The following XKR9 variants were observed in gnomAD, a reference collection of about 807,000 sequenced individuals.
XKR9 encodes XK related 9, also known as XK-related protein 9.
Under a neutral mutation model 32.0 loss-of-function variants are expected in XKR9, and 32 were observed. That is an observed-to-expected ratio of 1.00 (90% CI 0.76 to 1.34). XKR9 has a LOEUF of 1.34. XKR9 is among the 40% of genes most tolerant of loss of function. XKR9 has a pLI of 0.00. For missense variants in XKR9, 546 were observed against 429.7 expected (o/e 1.27, Z -2.39); for synonymous variants, 168 against 143.4 (o/e 1.17, Z -1.22).
chr8:70,783,114 T>C (rs1398686176), intron 2 of XKR9, among the ~76,000 whole-genome samples: 1 of 152,248 alleles, frequency 6.6e-6, no homozygotes, highest in East Asian at 1.9e-4. Flanking sequence ...ATTTTTATAA[T>C]AGTCATTCTA....
rs1450231942 is a variant in XKR9 at position 70,669,633 on chromosome 8, TGTGTGTA to T, written c.-361+98_-361+104del. Reference sequence around the variant, plus strand: ...GTGTGTGTGTGTGTGTGTGTGTGTGTGTGTGTAGTAGTAGTAGTAGTAGCCTGTTCAT... The same window carrying T: ...GTGTGTGTGTGTGTGTGTGTGTGTGTGTAGTAGTAGTAGTAGCCTGTTCAT... On this transcript the variant is annotated intron_variant, in intron 1 of 4. Coordinates refer to ENST00000408926, the MANE Select transcript of XKR9 (RefSeq NM_001011720.2). 1.3e-3 allele frequency: 89 copies of T among 66,588 alleles called. 1 individual carries two copies. Among genetic ancestry groups the T allele is most frequent in the South Asian group, 1.9e-3 (5 of 2,692 alleles). The allele number at this position is 66,588 out of a possible 1,614,324, so 4.1% of individuals were successfully genotyped here.
intron 2 of XKR9, among the ~76,000 whole-genome samples, chr8:70,772,468 GA>G (rs987174713): frequency 1.3e-5 from 2 of 152,180 alleles, no homozygotes; most frequent in African/African-American, 4.8e-5. Context: ...GCAGTTGGGG[GA>G]GAAGTAGATT....
intron 2 of XKR9, among the ~76,000 whole-genome samples, chr8:70,770,940 T>C (rs1217878732): frequency 6.6e-6 from 1 of 152,158 alleles, no homozygotes; most frequent in African/African-American, 2.4e-5. Context: ...TTGCTGGGGT[T>C]CCAGGCACCA....
the XKR9 span, among the ~76,000 whole-genome samples, chr8:71,055,561 T>C: frequency 1.3e-5 from 2 of 152,216 alleles, no homozygotes; most frequent in African/African-American, 4.8e-5. Context: ...CCCTCTTTGA[T>C]GTTCTCCTTT....
the XKR9 span, among the ~76,000 whole-genome samples, chr8:71,033,654 G>C: frequency 6.6e-6 from 1 of 152,116 alleles, no homozygotes; most frequent in Admixed American, 6.5e-5. Context: ...GAATGGATTA[G>C]TTCCCAAGAG....
At chr8:70,861,352 T>G in the XKR9 span, among the ~76,000 whole-genome samples, 1 of 152,054 alleles carries the variant, frequency 6.6e-6, no homozygotes, top group African/African-American at 2.4e-5. Context: ...AAATCCTTAT[T>G]TCATAAAGTT....
At chr8:70,880,029 A>T in the XKR9 span, among the ~76,000 whole-genome samples, 1 of 152,058 alleles carries the variant, frequency 6.6e-6, no homozygotes, top group African/African-American at 2.4e-5. Context: ...AAAGCCACAC[A>T]ATTATCTCAA....
At chr8:70,935,132 CAT>C in the XKR9 span, among the ~76,000 whole-genome samples, 5 of 145,988 alleles carry the variant, frequency 3.4e-5, no homozygotes, top group African/African-American at 1.3e-4. Context: ...CACACACACA[CAT>C]ATATATACAC....
intron 2 of XKR9, among the ~76,000 whole-genome samples, chr8:70,768,287 T>G (rs1270839212): frequency 6.6e-6 from 1 of 152,146 alleles, no homozygotes; most frequent in Admixed American, 6.5e-5. Context: ...TCTGAGAGAC[T>G]GTTTGTTATG....
At chr8:70,758,511 C>T (rs960809577) in intron 2 of XKR9, among the ~76,000 whole-genome samples, 1 of 152,150 alleles carries the variant, frequency 6.6e-6, no homozygotes, top group Non-Finnish European at 1.5e-5. Context: ...TGCAAACTAG[C>T]TGTCTTTATA....
intron 2 of XKR9, among the ~76,000 whole-genome samples, chr8:70,785,240 T>C (rs1173287638): frequency 1.3e-5 from 2 of 151,970 alleles, no homozygotes; most frequent in African/African-American, 4.8e-5. Context: ...TTTTGGTAGA[T>C]TTTATGCGTC....
At chr8:70,739,526 A>G (rs1586876919), downstream of XKR9, among the ~76,000 whole-genome samples, 2 of 152,170 alleles carry the variant, frequency 1.3e-5, no homozygotes, top group East Asian at 1.9e-4. Flanking sequence ...TTAGCTGGTT[A>G]TTTTGCTCAT....
the XKR9 span, among the ~76,000 whole-genome samples, chr8:70,900,713 A>T: frequency 6.6e-6 from 1 of 152,234 alleles, no homozygotes; most frequent in Non-Finnish European, 1.5e-5. Flanking sequence ...TGCAACGTGC[A>T]GGTTTGTTAC....
chr8:70,860,937 A>C, the XKR9 span, among the ~76,000 whole-genome samples: 1 of 152,164 alleles, frequency 6.6e-6, no homozygotes, highest in Non-Finnish European at 1.5e-5. Context: ...AGTACTAAAC[A>C]CAGCACTAAA....
chr8:70,955,780 G>A, the XKR9 span, among the ~76,000 whole-genome samples: 202 of 152,330 alleles, frequency 1.3e-3, 1 homozygote, highest in Middle Eastern at 6.8e-3. Flanking sequence ...ATGTGTGAGC[G>A]AGTGAGCATG....
the XKR9 span, among the ~76,000 whole-genome samples, chr8:70,882,888 C>G: frequency 6.7e-6 from 1 of 149,594 alleles, no homozygotes; most frequent in Non-Finnish European, 1.5e-5. Flanking sequence ...AATAGTTTTA[C>G]TGTCCTAAAT....
the XKR9 span, among the ~76,000 whole-genome samples, chr8:71,007,441 A>G: frequency 6.6e-6 from 1 of 152,196 alleles, no homozygotes; most frequent in Non-Finnish European, 1.5e-5. Flanking sequence ...AAGGAATAAG[A>G]ACCCTGTAAA....
chr8:70,785,025 T>A (rs1807664412), intron 2 of XKR9, among the ~76,000 whole-genome samples: 1 of 152,078 alleles, frequency 6.6e-6, no homozygotes, highest in Non-Finnish European at 1.5e-5. Context: ...GCTGGCCTCA[T>A]AAAGAGTTTG....
At chr8:70,684,059 T>G (rs948184893) in intron 3 of XKR9, among the ~76,000 whole-genome samples, 1 of 152,186 alleles carries the variant, frequency 6.6e-6, no homozygotes, top group African/African-American at 2.4e-5. Flanking sequence ...GTGTTTTGTC[T>G]TTTCCTCCTC....
Sources: gnomAD v4.1 joint callset for allele counts (sites outside exome capture counted in the v4.1 genomes callset) on GRCh38, gnomAD v4.1.1 for gene constraint, MANE v1.5 for transcripts, NCBI Gene and HGNC (gene_info 2026-07-23, HGNC 2026-07-21) for gene names.